The following SCFD1 variants were observed in gnomAD, a reference collection of about 807,000 sequenced individuals.
SCFD1 encodes the protein sec1 family domain containing 1.
In SCFD1, 37 loss-of-function variants were observed where a neutral mutation model predicts 103.2. The ratio of observed to expected loss-of-function variants is 0.36; its 90% CI spans 0.28 to 0.47. The LOEUF (loss-of-function observed/expected upper bound fraction) is 0.47, where lower values mean the gene tolerates loss of function less well. Ranked by LOEUF, SCFD1 falls within the 20% of genes least tolerant of loss-of-function variation. SCFD1 has a pLI of 1.00. For synonymous variants in SCFD1, 264 were observed against 245.0 expected (o/e 1.08, Z -0.73); for missense variants, 639 against 761.2 (o/e 0.84, Z 1.89).
At chr14:30,735,550 T>C in intron 24 of SCFD1, 36 bp from the exon 25 acceptor site, 1 of 1,465,882 alleles carries the variant, frequency 6.8e-7, no homozygotes, top group East Asian at 2.3e-5. Context: ...TGATCTTTTT[T>C]AAAAGTTTTA....
In SCFD1 at chr14:30,702,369, A is replaced by G; in HGVS notation, c.1484A>G (p.Gln495Arg). The G allele has an allele frequency of 6.4e-7, 1 of 1,554,790 alleles. No homozygotes were observed. The highest frequency in any genetic ancestry group is 1.2e-5 in the South Asian group (1 of 82,216). ...CTTAATCCTTTACAATATATCAAACAGTGGAAGTAAGTTTTATTTTCTTCT... is the reference window on the plus strand; with the variant it reads ...CTTAATCCTTTACAATATATCAAACGGTGGAAGTAAGTTTTATTTTCTTCT... ...CNLNPLQYIK[Q>R]WKAFTKMASA... The change falls in exon 17 of 25, where the codon CAG (glutamine) becomes CGG (arginine). Residue 495 changes from glutamine to arginine, a missense_variant. Physicochemically the swap from Gln to Arg is conservative, Grantham distance 43. Transcript: ENST00000458591.
At chr14:30,708,880 T>C (rs2378780) in intron 19 of SCFD1, among the ~76,000 whole-genome samples, 57,501 of 152,052 alleles carry the variant, frequency 0.38, 12,264 homozygotes, top group East Asian at 0.63. Context: ...ATTTTTCTAT[T>C]CTAATATATA....
At chr14:30,680,725 C>G (rs1370368268) in intron 14 of SCFD1, among the ~76,000 whole-genome samples, 1 of 152,032 alleles carries the variant, frequency 6.6e-6, no homozygotes, top group Non-Finnish European at 1.5e-5. Context: ...CCTGGGAGTT[C>G]AAGTCCAGTT....
intron 10 of SCFD1, among the ~76,000 whole-genome samples, chr14:30,668,883 G>T (rs551685093): frequency 2.6e-5 from 4 of 152,184 alleles, no homozygotes; most frequent in African/African-American, 7.2e-5. Flanking sequence ...ATGGTGATCA[G>T]TAAAAATTCA....
In SCFD1 at chr14:30,629,498, G is replaced by C. The variant is rs1009521463; in HGVS notation, c.133-979G>C. 5.9e-5 allele frequency among the ~76,000 whole-genome samples: 9 copies of C among 151,902 alleles called. No individual in the cohort carries two copies. In the South Asian group the frequency reaches 1.9e-3, roughly 32 times the overall value. On this transcript the variant is annotated intron_variant, in intron 2 of 24. Transcript: ENST00000458591. ...TTTGGAGTTCTTACCACACCTCAAA[G>C]CTGTCTGTTTTAATACTTTGAGAAT...
In SCFD1 at chr14:30,630,479, A is replaced by G. The variant is rs772789525; in HGVS notation, c.135A>G (p.Val45=). ...TGACACATGGTTTTTTTTAATAGGTACTCATTTATGACAGATTTGGCCAAG... is the reference window on the plus strand; with the variant it reads ...TGACACATGGTTTTTTTTAATAGGTGCTCATTTATGACAGATTTGGCCAAG... ...KNSTGEPVWK[V]LIYDRFGQDI... The change falls in exon 3 of 25, where the codon GTA becomes GTG. Residue 45 remains valine (V), a splice_region_variant and synonymous_variant. Transcript: ENST00000458591. 6.4e-7 allele frequency: 1 copy of G among 1,562,028 alleles called. No homozygotes were observed. Among genetic ancestry groups the G allele is most frequent in the Non-Finnish European group, 8.8e-7 (1 of 1,133,978 alleles).
chr14:30,707,741 T>G, intron 18 of SCFD1: 1 of 485,526 alleles, frequency 2.1e-6, no homozygotes. Context: ...GGCAGCTCTT[T>G]ATTTTTGTAT....
intron 23 of SCFD1, among the ~76,000 whole-genome samples, chr14:30,728,772 A>T (rs183288858): frequency 6.6e-5 from 10 of 151,878 alleles, no homozygotes; most frequent in African/African-American, 2.2e-4. Context: ...GAAGTCAAGA[A>T]TCTTTTCACA....
intron 14 of SCFD1, chr14:30,683,090 A>T (rs565762569): frequency 7.5e-7 from 1 of 1,341,676 alleles, no homozygotes. Flanking sequence ...TTTCTTGCAG[A>T]TACTTCTTAA....
chr14:30,695,002 A>G, intron 15 of SCFD1, 133 bp downstream of exon 15: 1 of 1,438,572 alleles, frequency 7.0e-7, no homozygotes, highest in East Asian at 2.8e-5. Flanking sequence ...TAAATGAGCT[A>G]TTTTCTGGTA....
chr14:30,663,217 G>A lies in SCFD1; in HGVS notation c.856-7039G>A, dbSNP rs562178031. Among the ~76,000 whole-genome samples, 54 of 152,100 alleles carry A rather than the reference G, an allele frequency of 3.6e-4. No homozygotes were observed. In the South Asian group the frequency reaches 8.7e-3, roughly 25 times the overall value. On this transcript the variant is annotated intron_variant, in intron 10 of 24. Coordinates refer to ENST00000458591, the MANE Select transcript of SCFD1 (RefSeq NM_016106.4). ...GTAATAACATGCTTTCCTACTTTTA[G>A]AGCAGTAATTTTGCTAGCAAGTTAA...
At chr14:30,659,066 G>T (rs1887185887) in intron 10 of SCFD1, among the ~76,000 whole-genome samples, 1 of 151,572 alleles carries the variant, frequency 6.6e-6, no homozygotes, top group East Asian at 1.9e-4. Flanking sequence ...CAGTGTTTCA[G>T]TATATCTCCA....
intron 15 of SCFD1, among the ~76,000 whole-genome samples, chr14:30,698,137 CA>C (rs566651724): frequency 1.9e-4 from 29 of 152,160 alleles, no homozygotes; most frequent in South Asian, 8.3e-4. Flanking sequence ...AAAAGCTCTC[CA>C]AACTGTACTT....
At chr14:30,665,445 A>AT (rs1887858096) in intron 10 of SCFD1, among the ~76,000 whole-genome samples, 1 of 152,246 alleles carries the variant, frequency 6.6e-6, no homozygotes, top group Admixed American at 6.5e-5. Context: ...AACATGCCAA[A>AT]TTGTAAAGAC....
chr14:30,726,941 T>C (rs1414779770), intron 23 of SCFD1, among the ~76,000 whole-genome samples: 2 of 152,210 alleles, frequency 1.3e-5, no homozygotes, highest in African/African-American at 2.4e-5. Context: ...TGAGTTTTTA[T>C]TGCTTGAATA....
intron 10 of SCFD1, among the ~76,000 whole-genome samples, chr14:30,656,326 C>T (rs963151367): frequency 6.6e-6 from 1 of 152,084 alleles, no homozygotes; most frequent in Non-Finnish European, 1.5e-5. Flanking sequence ...ATCCAAACAG[C>T]GAAGTTAATG....
In SCFD1 at chr14:30,670,327, A is replaced by G; in HGVS notation, c.927A>G (p.Pro309=). 6.9e-6 allele frequency: 11 copies of G among 1,596,738 alleles called. No individual in the cohort carries two copies. Among genetic ancestry groups the G allele is most frequent in the Non-Finnish European group, 9.4e-6 (11 of 1,173,540 alleles). ...GVENSPAGAR[P]KRKNKKSYDL... ...AAAACTCTCCAGCTGGTGCTAGACC[A>G]AAGAGAAAAAACAAGAAGTCTTATG... is the stretch of plus-strand genomic sequence containing the variant. The change falls in exon 11 of 25, where the codon CCA becomes CCG. Residue 309 remains proline (P), a synonymous_variant. Coordinates refer to ENST00000458591, the MANE Select transcript of SCFD1 (RefSeq NM_016106.4).
At chr14:30,669,346 C>T (rs1888320424) in intron 10 of SCFD1, among the ~76,000 whole-genome samples, 1 of 152,060 alleles carries the variant, frequency 6.6e-6, no homozygotes, top group Non-Finnish European at 1.5e-5. Context: ...CTTCCTTCTT[C>T]ATCAATCATT....
intron 10 of SCFD1, chr14:30,658,242 C>T (rs1270173474): frequency 3.3e-6 from 1 of 301,924 alleles, no homozygotes; most frequent in Non-Finnish European, 6.7e-6. Flanking sequence ...TTATTTGAAA[C>T]ATTAAATCGG....
Sources: allele counts gnomAD v4.1 joint callset (sites outside exome capture counted in the v4.1 genomes callset), GRCh38; gene constraint gnomAD v4.1.1; transcripts MANE v1.5; gene names NCBI Gene and HGNC (gene_info 2026-07-23, HGNC 2026-07-21).